FREM1: variants seen among roughly 807,000 people sequenced by gnomAD.
FREM1 encodes the protein FRAS1-related extracellular matrix protein 1.
In FREM1, 220 loss-of-function variants were observed where a neutral mutation model predicts 210.1. That is an observed-to-expected ratio of 1.05 (90% CI 0.94 to 1.17). FREM1 has a LOEUF of 1.17. Among genes scored for constraint, FREM1 ranks in the 50% most tolerant of loss-of-function variants. The pLI is 0.00. For missense variants in FREM1, 3,454 were observed against 2,675.5 expected (o/e 1.29, Z -6.42); for synonymous variants, 1,189 against 980.2 (o/e 1.21, Z -3.98).
intron 10 of FREM1, among the ~76,000 whole-genome samples, chr9:14,830,675 C>T (rs1823391710): frequency 6.6e-6 from 1 of 152,176 alleles, no homozygotes; most frequent in South Asian, 2.1e-4. Flanking sequence ...GAGCTTCTTC[C>T]TTCTGTCTTC....
intron 10 of FREM1, among the ~76,000 whole-genome samples, chr9:14,826,881 C>T (rs1822556198): frequency 6.6e-6 from 1 of 152,182 alleles, no homozygotes; most frequent in Non-Finnish European, 1.5e-5. Flanking sequence ...CCTCATCAGA[C>T]ACAAAACATG....
intron 3 of FREM1, among the ~76,000 whole-genome samples, chr9:14,860,730 CATATATACACAT>C (rs2131602764): frequency 1.6e-5 from 2 of 122,108 alleles, no homozygotes; most frequent in South Asian, 4.8e-4. Flanking sequence ...CATATATACA[CATATATACACAT>C]ATATATGCAC....
At chr9:14,842,195 A>C (rs1825810235) in intron 9 of FREM1, 121 bp downstream of exon 9, 1 of 645,516 alleles carries the variant, frequency 1.5e-6, no homozygotes, top group Non-Finnish European at 2.7e-6. Flanking sequence ...TTACTTCAGA[A>C]ACTTGATGTT....
At chr9:14,900,707 G>A (rs1190359699) in intron 1 of FREM1, among the ~76,000 whole-genome samples, 1 of 152,196 alleles carries the variant, frequency 6.6e-6, no homozygotes, top group Non-Finnish European at 1.5e-5. Context: ...CAGCCTAGCT[G>A]GGATGGCCAT....
chr9:14,760,948 T>C (rs879751099), intron 27 of FREM1, among the ~76,000 whole-genome samples: 1 of 152,258 alleles, frequency 6.6e-6, no homozygotes, highest in African/African-American at 2.4e-5. Context: ...CATTGTTTTT[T>C]ATTCAGTTGC....
chr9:14,860,781 A>ATGCG lies in FREM1; in HGVS notation c.330-1298_330-1297insCGCA, dbSNP rs1564101499. 6.3e-5 allele frequency among the ~76,000 whole-genome samples: 4 copies of ATGCG among 63,468 alleles called. No individual in the cohort carries two copies. In the East Asian group the frequency reaches 1.6e-3, roughly 25 times the overall value. 41.6% of individuals were successfully genotyped at this position (63,468 alleles called of 152,430 possible). ...TATATGCACATATATACACATATAT[A>ATGCG]CATATATACATATATACACATATAT... is the stretch of plus-strand genomic sequence containing the variant. On this transcript the variant is annotated intron_variant, in intron 3 of 36. Transcript: ENST00000380880.
chr9:14,752,257 G>A (rs1247587807), intron 29 of FREM1, among the ~76,000 whole-genome samples: 1 of 152,050 alleles, frequency 6.6e-6, no homozygotes, highest in African/African-American at 2.4e-5. Flanking sequence ...ATAGATTGTA[G>A]AGCCTATATA....
At position 14,820,036 on chromosome 9, in the gene FREM1, A is replaced by C. The variant is rs142946637; in HGVS notation, c.2338-594T>G. On this transcript the variant is annotated intron_variant, in intron 13 of 36. Coordinates refer to ENST00000380880, the MANE Select transcript of FREM1 (RefSeq NM_001379081.2). ...CTTAAATATTAAAGCCACAAAGATA[A>C]TTTGCTATAATAGAAAAACTCACTG... Among the ~76,000 whole-genome samples, 718 of 152,322 alleles carry C rather than the reference A, an allele frequency of 4.7e-3. 4 individuals carry two copies. The highest frequency in any genetic ancestry group is 0.016 in the African/African-American group (670 of 41,560).
In FREM1 at chr9:14,851,575, T is replaced by G. The variant is rs575612609; in HGVS notation, c.861A>C (p.Arg287Ser). Residue 287 changes from arginine (R) to serine (S), a missense_variant, in exon 6 of 37, where the codon AGA becomes AGC. By Grantham distance (110) the Arg-to-Ser change is moderately radical. Transcript: ENST00000380880. ...TTGGAATCTGATTCGGAATTCCAGCTCTGATATAGACAGGCAGCCACGCAC... is the reference window on the plus strand; with the variant it reads ...TTGGAATCTGATTCGGAATTCCAGCGCTGATATAGACAGGCAGCCACGCAC... ...SESAWLPVYI[R>S]AGIPNQIPKA... 5 of 1,613,878 alleles carry G rather than the reference T, an allele frequency of 3.1e-6. No homozygotes were observed. The African/African-American group carries it at 6.7e-5, about 22-fold the overall frequency.
intron 1 of FREM1, among the ~76,000 whole-genome samples, chr9:14,897,714 C>T (rs1837997335): frequency 6.6e-6 from 1 of 151,998 alleles, no homozygotes; most frequent in South Asian, 2.1e-4. Context: ...CCTCAGCTTC[C>T]TGAGTAGCTA....
intron 29 of FREM1, among the ~76,000 whole-genome samples, chr9:14,751,546 AC>A (rs1188833599): frequency 6.6e-6 from 1 of 152,086 alleles, no homozygotes; most frequent in African/African-American, 2.4e-5. Context: ...TGTGATCTCA[AC>A]CACTCAGGAG....
At chr9:14,862,128 T>C (rs1830706111) in intron 3 of FREM1, among the ~76,000 whole-genome samples, 1 of 152,232 alleles carries the variant, frequency 6.6e-6, no homozygotes, top group African/African-American at 2.4e-5. Context: ...AACACAGCAT[T>C]TTGTGACTCT....
At chr9:14,844,208 G>C (rs1264260816) in intron 8 of FREM1, among the ~76,000 whole-genome samples, 2 of 149,132 alleles carry the variant, frequency 1.3e-5, no homozygotes, top group African/African-American at 2.4e-5. Context: ...GTTTTCTTCA[G>C]ATACTTACAA....
intron 1 of FREM1, among the ~76,000 whole-genome samples, chr9:14,885,832 A>G (rs1320574048): frequency 6.6e-6 from 1 of 152,184 alleles, no homozygotes; most frequent in Non-Finnish European, 1.5e-5. Context: ...CTATTACCTT[A>G]CATATCTTCT....
chr9:14,846,011 C>G lies in FREM1; in HGVS notation c.1342G>C (p.Val448Leu), dbSNP rs759634911. The G allele has an allele frequency of 6.2e-6, 10 of 1,612,786 alleles. No individual in the cohort carries two copies. The highest frequency in any genetic ancestry group is 5.5e-5 in the South Asian group (5 of 90,716). Residue 448 changes from valine (V) to leucine (L), a missense_variant, in exon 8 of 37, where the codon GTC becomes CTC. Transcript: ENST00000380880. ...AGGCCACCAACGGTGACTAGCCGGACAGCACCAATGTCGTCATTGTCGACA... is the reference window on the plus strand; with the variant it reads ...AGGCCACCAACGGTGACTAGCCGGAGAGCACCAATGTCGTCATTGTCGACA... ...QVVDNDDIGA[V>L]RLVTVGGLQH... is the part of the protein sequence containing the mutation.
chr9:14,788,850 A>C, intron 23 of FREM1, 69 bp downstream of exon 23: 1 of 1,188,108 alleles, frequency 8.4e-7, no homozygotes, highest in South Asian at 1.7e-5. Flanking sequence ...GAGAGAAAGA[A>C]ACGAATGTGG....
At position 14,900,621 on chromosome 9, in the gene FREM1, G is replaced by C. The variant is rs377177551; in HGVS notation, c.-268+9293C>G. ...AGGAGAGGAAGATAGGATGGTCCTA[G>C]ATAGACAGAGTCTGACACAAGGTAA... On this transcript the variant is annotated intron_variant, in intron 1 of 36. Coordinates refer to ENST00000380880, the MANE Select transcript of FREM1 (RefSeq NM_001379081.2). Among the ~76,000 whole-genome samples, 11 of 152,224 alleles carry C rather than the reference G, an allele frequency of 7.2e-5. No homozygotes were observed. In the East Asian group the frequency reaches 1.4e-3, roughly 19 times the overall value.
At position 14,861,340 on chromosome 9, in the gene FREM1, CAT is replaced by C. The variant is rs1268809226; in HGVS notation, c.330-1858_330-1857del. 8.3e-4 allele frequency among the ~76,000 whole-genome samples: 102 copies of C among 122,438 alleles called. 3 individuals carry two copies. The highest frequency in any genetic ancestry group is 4.3e-3 in the Middle Eastern group (1 of 230). The allele number at this position is 122,438 out of a possible 152,430, so 80.3% of individuals were successfully genotyped here. Reference sequence around the variant, plus strand: ...ATATACACATATATACATATATACACATATATATACATATATACACATATATA... The same window carrying C: ...ATATACACATATATACATATATACACATATATACATATATACACATATATA... On this transcript the variant is annotated intron_variant, in intron 3 of 36. Transcript: ENST00000380880.
At chr9:14,798,973 C>A (rs1047745746) in intron 20 of FREM1, among the ~76,000 whole-genome samples, 2 of 152,038 alleles carry the variant, frequency 1.3e-5, no homozygotes, top group African/African-American at 4.8e-5. Context: ...CACACCCGGT[C>A]TCCATGTTTT....
Sources: gnomAD v4.1 joint callset for allele counts (sites outside exome capture counted in the v4.1 genomes callset) on GRCh38, gnomAD v4.1.1 for gene constraint, MANE v1.5 for transcripts, NCBI Gene and HGNC (gene_info 2026-07-23, HGNC 2026-07-21) for gene names.